Variants in PALM2AKAP2 observed in about 807,000 individuals in gnomAD.
PALM2AKAP2 encodes PALM2 and AKAP2 fusion, also known as PALM2-AKAP2 fusion protein.
A neutral mutation model predicts 71.5 loss-of-function variants in PALM2AKAP2; 37 were observed. The observed-to-expected ratio is 0.52, with a 90% CI of 0.40 to 0.68. The LOEUF (loss-of-function observed/expected upper bound fraction) is 0.68. Ranked by LOEUF, PALM2AKAP2 falls within the 30% of genes least tolerant of loss-of-function variation. The pLI, the probability that PALM2AKAP2 is intolerant of heterozygous loss-of-function variation, is 0.00. For synonymous variants in PALM2AKAP2, 468 were observed against 478.8 expected, an observed-to-expected ratio of 0.98 and a Z score of 0.29; for missense variants, 1,224 against 1,191.8, an observed-to-expected ratio of 1.03 and a Z score of -0.40.
intron 7 of PALM2AKAP2, among the ~76,000 whole-genome samples, chr9:110,039,217 C>G (rs1286182362): frequency 6.6e-6 from 1 of 152,110 alleles, no homozygotes; most frequent in African/African-American, 2.4e-5. Flanking sequence ...CTACTGCACT[C>G]CAGCCATAGT....
chr9:109,677,038 T>G (rs1282460360), intron 1 of PALM2AKAP2, among the ~76,000 whole-genome samples: 1 of 152,152 alleles, frequency 6.6e-6, no homozygotes, highest in East Asian at 1.9e-4. Flanking sequence ...CACAAAAGTC[T>G]TTCTAGAAAT....
chr9:109,739,028 G>A (rs1052643847), intron 1 of PALM2AKAP2, among the ~76,000 whole-genome samples: 22 of 152,196 alleles, frequency 1.4e-4, no homozygotes, highest in African/African-American at 4.3e-4. Flanking sequence ...GAACAATATA[G>A]TTTATTAAAC....
At position 110,137,673 on chromosome 9, in the gene PALM2AKAP2, C is replaced by T. The variant is rs761276274; in HGVS notation, c.1703C>T (p.Ser568Leu). The stretch of plus-strand genomic sequence containing the variant: ...CTTGACTCTGGTCTGGACGAATTGT[C>T]GGTGAGGTCTCAGGATACCACAGTC... The change falls in exon 2 of 4, where the codon TCG (serine) becomes TTG (leucine). Residue 568 changes from serine to leucine, a missense_variant. Physicochemically the swap from Ser to Leu is moderately radical, Grantham distance 145 (BLOSUM62 -2). Transcript: ENST00000374525. 31 of 1,613,838 alleles carry T rather than the reference C, an allele frequency of 1.9e-5. No homozygotes were observed. Among genetic ancestry groups the T allele is most frequent in the Admixed American group, 5.0e-5 (3 of 59,998 alleles).
intron 1 of PALM2AKAP2, among the ~76,000 whole-genome samples, chr9:110,065,761 A>G (rs1834065232): frequency 6.6e-6 from 1 of 152,136 alleles, no homozygotes; most frequent in Non-Finnish European, 1.5e-5. Context: ...TTCTGTCTCT[A>G]TGAAGTTGTC....
At chr9:110,012,688 G>A (rs184085955) in intron 6 of PALM2AKAP2, among the ~76,000 whole-genome samples, 260 of 152,260 alleles carry the variant, frequency 1.7e-3, no homozygotes, top group Middle Eastern at 6.8e-3. Flanking sequence ...GTTTCCTAAT[G>A]TGAAGTGTTT....
intron 1 of PALM2AKAP2, among the ~76,000 whole-genome samples, chr9:109,760,851 T>A (rs1182254047): frequency 6.6e-6 from 1 of 152,208 alleles, no homozygotes; most frequent in Non-Finnish European, 1.5e-5. Context: ...TTTTTTCAAC[T>A]GTTGCATTTT....
intron 1 of PALM2AKAP2, among the ~76,000 whole-genome samples, chr9:109,852,149 G>C (rs1829038210): frequency 6.6e-6 from 1 of 151,994 alleles, no homozygotes; most frequent in Admixed American, 6.6e-5. Context: ...GTGCAGATTT[G>C]TTACATGAGT....
intron 1 of PALM2AKAP2, among the ~76,000 whole-genome samples, chr9:110,050,870 C>A (rs1301028810): frequency 6.6e-6 from 1 of 152,206 alleles, no homozygotes; most frequent in African/African-American, 2.4e-5. Flanking sequence ...TTAGGTGATT[C>A]ACCTGCCTCG....
At chr9:109,640,802 G>A (rs1587850652) in exon 1 of PALM2AKAP2, 1 of 1,500,520 alleles carries the variant, frequency 6.7e-7, no homozygotes. Flanking sequence ...ACTCGGCTCC[G>A]GGAGAGGCGA....
chr9:109,919,499 A>C (rs911339725), intron 3 of PALM2AKAP2, among the ~76,000 whole-genome samples: 3 of 152,072 alleles, frequency 2.0e-5, no homozygotes, highest in Non-Finnish European at 4.4e-5. Flanking sequence ...TTTCAGTCTT[A>C]ATTCTCATGA....
chr9:109,779,526 T>G (rs1039114807), upstream of PALM2AKAP2, among the ~76,000 whole-genome samples: 3 of 147,028 alleles, frequency 2.0e-5, no homozygotes, highest in Admixed American at 6.6e-5. Context: ...TGATCCTCCA[T>G]TTTTTCAGAT....
chr9:109,703,877 A>G (rs774413497), intron 1 of PALM2AKAP2, among the ~76,000 whole-genome samples: 1 of 152,130 alleles, frequency 6.6e-6, no homozygotes, highest in Admixed American at 6.6e-5. Context: ...GAAAATTTGT[A>G]TTATTTTATT....
chr9:109,842,655 G>A (rs1828730005), intron 1 of PALM2AKAP2, among the ~76,000 whole-genome samples: 1 of 145,738 alleles, frequency 6.9e-6, no homozygotes, highest in South Asian at 2.2e-4. Flanking sequence ...TGTTGAATCA[G>A]CCCCAGTAAG....
At chr9:109,772,127 T>C (rs145062227) in intron 1 of PALM2AKAP2, 2 of 152,280 alleles carry the variant, frequency 1.3e-5, no homozygotes, top group African/African-American at 2.4e-5. Flanking sequence ...AACTGCTTTT[T>C]CTAATTTACA....
In PALM2AKAP2 at chr9:109,971,283, CTT is replaced by C. The variant is rs11392589; in HGVS notation, c.496+39285_496+39286del. ...TCCATGTTTATCCCACTCTTAGTCC[CTT>C]TTTTTTTTTTTTTTTTTTTTTTTTT... On this transcript the variant is annotated intron_variant, in intron 6 of 9. Transcript: ENST00000302798. 9.1e-3 allele frequency among the ~76,000 whole-genome samples: 417 copies of C among 45,624 alleles called. 8 individuals are homozygous for C. Among genetic ancestry groups the C allele is most frequent in the African/African-American group, 0.047 (373 of 8,020 alleles). The allele number at this position is 45,624 out of a possible 152,430, so 29.9% of individuals were successfully genotyped here.
chr9:110,036,276 A>G (rs968565980), intron 7 of PALM2AKAP2, among the ~76,000 whole-genome samples: 1 of 152,152 alleles, frequency 6.6e-6, no homozygotes, highest in Non-Finnish European at 1.5e-5. Context: ...AGAAACCCTG[A>G]TCAAGTGGGA....
At chr9:110,035,345 A>ACATATGTAT in intron 7 of PALM2AKAP2, among the ~76,000 whole-genome samples, 1 of 142,294 alleles carries the variant, frequency 7.0e-6, no homozygotes, top group African/African-American at 2.6e-5. Context: ...TACATATTAT[A>ACATATGTAT]TATATTATAT....
At chr9:110,080,091 AAAAAT>A (rs1834415547) in intron 1 of PALM2AKAP2, among the ~76,000 whole-genome samples, 1 of 151,130 alleles carries the variant, frequency 6.6e-6, no homozygotes, top group African/African-American at 2.4e-5. Flanking sequence ...AAAAAAAAAA[AAAAAT>A]AGAAGATTAA....
intron 1 of PALM2AKAP2, among the ~76,000 whole-genome samples, chr9:109,840,286 A>G (rs1828619565): frequency 6.6e-6 from 1 of 152,248 alleles, no homozygotes; most frequent in African/African-American, 2.4e-5. Context: ...TATTTAATAA[A>G]TGATGCTGGG....
Sources: gnomAD v4.1 joint callset for allele counts (sites outside exome capture counted in the v4.1 genomes callset) on GRCh38, gnomAD v4.1.1 for gene constraint, MANE v1.5 for transcripts, NCBI Gene and HGNC (gene_info 2026-07-23, HGNC 2026-07-21) for gene names.